The following BNC2 variants were observed in gnomAD, a reference collection of about 807,000 sequenced individuals.
BNC2 encodes basonuclin zinc finger protein 2, also known as zinc finger protein basonuclin-2.
Under a neutral mutation model 76.3 loss-of-function variants are expected in BNC2, and 20 were observed. That is an observed-to-expected ratio of 0.26 (90% CI 0.18 to 0.38). The LOEUF (loss-of-function observed/expected upper bound fraction) is 0.38, where lower values mean the gene tolerates loss of function less well. BNC2 is among the 10% of genes least tolerant of loss of function. The pLI, the probability that BNC2 is intolerant of heterozygous loss-of-function variation, is 1.00. For missense variants in BNC2, 1,382 were observed against 1,399.8 expected, an observed-to-expected ratio of 0.99 and a Z score of 0.20; for synonymous variants, 582 against 514.8, an observed-to-expected ratio of 1.13 and a Z score of -1.77.
intron 3 of BNC2, among the ~76,000 whole-genome samples, chr9:16,651,240 A>G (rs1363153710): frequency 6.6e-6 from 1 of 152,234 alleles, no homozygotes; most frequent in Non-Finnish European, 1.5e-5. Flanking sequence ...TAGATATTAC[A>G]TCATGTATAT....
At chr9:16,659,516 G>A (rs891782938) in intron 3 of BNC2, among the ~76,000 whole-genome samples, 3 of 150,910 alleles carry the variant, frequency 2.0e-5, no homozygotes, top group Non-Finnish European at 4.4e-5. Context: ...GCTGAGGCAG[G>A]AGAATCGCTT....
In BNC2 at chr9:16,436,906, T is replaced by C. The variant is rs1281782667; in HGVS notation, c.1288A>G (p.Arg430Gly). ...PKSSFRIHRMRRMGSASRKGR... is the reference protein window; with the variant it reads ...PKSSFRIHRMGRMGSASRKGR... ...TTCCTAGAGGCTGACCCCATCCTTC[T>C]CATCCGATGAATCCGGAATGAGCTT... Residue 430 changes from arginine (R) to glycine (G), a missense_variant, in exon 6 of 7, where the codon AGA becomes GGA. Physicochemically the swap from Arg to Gly is moderately radical, Grantham distance 125. Around this residue, in one of 3 missense-constraint regions of BNC2, gnomAD observed 557 missense variants for 540.9 expected, o/e 1.03. Transcript: ENST00000380672. 1 of 1,614,154 alleles carries C rather than the reference T, an allele frequency of 6.2e-7. No homozygotes were observed. Among genetic ancestry groups the C allele is most frequent in the Non-Finnish European group, 8.5e-7 (1 of 1,180,042 alleles).
At chr9:16,504,324 A>G (rs1336245688) in intron 5 of BNC2, among the ~76,000 whole-genome samples, 7 of 123,298 alleles carry the variant, frequency 5.7e-5, no homozygotes, top group Non-Finnish European at 1.6e-5. Context: ...TTCCAGAATG[A>G]ATACATGTAT....
Position 16,437,196 on chromosome 9 carries a change from G to A in BNC2, c.998C>T (p.Ala333Val). ...LPFQYINPVS[A>V]PLLGLPPNGL... ...ATTTGGAGGCAACCCTAGCAGTGGTGCTGAGACAGGGTTTATGTACTGGAA... is the reference window on the plus strand; with the variant it reads ...ATTTGGAGGCAACCCTAGCAGTGGTACTGAGACAGGGTTTATGTACTGGAA... Residue 333 changes from alanine to valine, a missense_variant, in exon 6 of 7, where the codon GCA becomes GTA. This residue lies in a region of BNC2 where 557 missense variants were observed against 540.9 expected (regional missense o/e 1.03). Coordinates refer to ENST00000380672, the MANE Select transcript of BNC2 (RefSeq NM_017637.6). The A allele has an allele frequency of 6.2e-7, 1 of 1,614,184 alleles. No homozygotes were observed. Among genetic ancestry groups the A allele is most frequent in the Non-Finnish European group, 8.5e-7 (1 of 1,180,030 alleles).
intron 1 of BNC2, among the ~76,000 whole-genome samples, chr9:16,781,830 T>C (rs1015393499): frequency 6.6e-6 from 1 of 152,252 alleles, no homozygotes; most frequent in East Asian, 1.9e-4. Context: ...ATGAACACAA[T>C]GTGCTTTTTA....
chr9:16,452,258 T>G (rs1452195421), intron 5 of BNC2, among the ~76,000 whole-genome samples: 1 of 152,240 alleles, frequency 6.6e-6, no homozygotes, highest in Non-Finnish European at 1.5e-5. Flanking sequence ...ATTACCTTTA[T>G]GTGGTACATT....
At chr9:16,810,298 G>A (rs1347015014) in intron 1 of BNC2, among the ~76,000 whole-genome samples, 1 of 152,140 alleles carries the variant, frequency 6.6e-6, no homozygotes, top group African/African-American at 2.4e-5. Context: ...TGGCAGGGGT[G>A]GGGCTAGAAG....
intron 1 of BNC2, among the ~76,000 whole-genome samples, chr9:16,751,624 A>G (rs77245344): frequency 1.1e-3 from 30 of 28,198 alleles, no homozygotes; most frequent in East Asian, 2.6e-3. Flanking sequence ...ATGTGTATAT[A>G]TATATGTATG....
At chr9:16,810,795 A>G (rs887645501) in intron 1 of BNC2, among the ~76,000 whole-genome samples, 1 of 152,200 alleles carries the variant, frequency 6.6e-6, no homozygotes, top group Non-Finnish European at 1.5e-5. Flanking sequence ...TTCCATGGGA[A>G]TGTAGACAAG....
chr9:16,464,174 G>C (rs1221144239), intron 5 of BNC2, among the ~76,000 whole-genome samples: 3 of 150,248 alleles, frequency 2.0e-5, no homozygotes, highest in East Asian at 1.9e-4. Flanking sequence ...CCTAATAATA[G>C]CTAACAACTC....
At chr9:16,788,705 T>G (rs949559217) in intron 1 of BNC2, among the ~76,000 whole-genome samples, 8 of 151,960 alleles carry the variant, frequency 5.3e-5, no homozygotes, top group African/African-American at 1.9e-4. Flanking sequence ...ACAAGATCAG[T>G]GCCTAGCAAA....
At chr9:16,821,262 C>T (rs1818323094) in intron 1 of BNC2, among the ~76,000 whole-genome samples, 1 of 151,022 alleles carries the variant, frequency 6.6e-6, no homozygotes, top group Admixed American at 6.6e-5. Flanking sequence ...AAAAAGGATT[C>T]AAGGAGGAAA....
Position 16,453,992 on chromosome 9 carries a change from C to A in BNC2, c.670-16468G>T, listed in dbSNP as rs978767449. Among the ~76,000 whole-genome samples, 5 of 152,274 alleles carry A rather than the reference C, an allele frequency of 3.3e-5. No homozygotes were observed. The Middle Eastern group carries it at 0.014, about 414-fold the overall frequency. On this transcript the variant is annotated intron_variant, in intron 5 of 6. Transcript: ENST00000380672. ...CTTTCAGTGAACACACTATATACTC[C>A]CACCACCAACGTTTTGCTTATGCTA...
At chr9:16,627,056 C>A (rs942338066) in intron 3 of BNC2, among the ~76,000 whole-genome samples, 1 of 152,196 alleles carries the variant, frequency 6.6e-6, no homozygotes, top group Admixed American at 6.5e-5. Context: ...TCACAGACTA[C>A]AGCCCCTGAG....
intron 1 of BNC2, among the ~76,000 whole-genome samples, chr9:16,852,975 T>C (rs953857263): frequency 6.6e-6 from 1 of 151,912 alleles, no homozygotes; most frequent in Non-Finnish European, 1.5e-5. Context: ...TCCTTTTCAG[T>C]GATGGTAAGG....
chr9:16,772,534 T>C (rs1004019723), intron 1 of BNC2, among the ~76,000 whole-genome samples: 1 of 152,080 alleles, frequency 6.6e-6, no homozygotes, highest in Non-Finnish European at 1.5e-5. Flanking sequence ...ATTTTCCCCC[T>C]CTTTGAACTG....
intron 5 of BNC2, among the ~76,000 whole-genome samples, chr9:16,500,840 C>G (rs948189525): frequency 1.4e-4 from 21 of 152,168 alleles, no homozygotes; most frequent in Non-Finnish European, 2.6e-4. Context: ...AGTCCTTTTG[C>G]AGGAATGAGA....
chr9:16,791,253 G>T (rs960797414), intron 1 of BNC2, among the ~76,000 whole-genome samples: 22 of 151,954 alleles, frequency 1.4e-4, no homozygotes, highest in African/African-American at 5.1e-4. Flanking sequence ...AGTAGAGACG[G>T]GGTTTCACCA....
At chr9:16,636,822 G>T (rs559357326) in intron 3 of BNC2, among the ~76,000 whole-genome samples, 1 of 152,264 alleles carries the variant, frequency 6.6e-6, no homozygotes, top group African/African-American at 2.4e-5. Context: ...CAGGTGGGAT[G>T]TTATTTGAAA....
Sources: gnomAD v4.1 joint callset for allele counts (sites outside exome capture counted in the v4.1 genomes callset) on GRCh38, gnomAD v4.1.1 for gene constraint, gnomAD v4.1.1 regional missense constraint, MANE v1.5 for transcripts, NCBI Gene and HGNC (gene_info 2026-07-23, HGNC 2026-07-21) for gene names.